Variants in ASIC2 observed in about 807,000 individuals in gnomAD.
ASIC2 encodes the protein acid-sensing ion channel 2.
A neutral mutation model predicts 57.3 loss-of-function variants in ASIC2; 25 were observed. The ratio of observed to expected loss-of-function variants is 0.44; its 90% CI spans 0.32 to 0.61. The LOEUF is 0.61. Among genes scored for constraint, ASIC2 ranks in the 20% least tolerant of loss-of-function variants. The pLI is 0.06. For synonymous variants in ASIC2, 319 were observed against 307.5 expected (o/e 1.04, Z -0.39); for missense variants, 641 against 738.1 (o/e 0.87, Z 1.52).
chr17:33,574,802 C>T (rs563829198), intron 1 of ASIC2, among the ~76,000 whole-genome samples: 8 of 151,506 alleles, frequency 5.3e-5, no homozygotes, highest in Non-Finnish European at 7.4e-5. Context: ...GAAGATAGAA[C>T]GGCACATTTA....
intron 1 of ASIC2, among the ~76,000 whole-genome samples, chr17:34,134,555 C>T (rs951836006): frequency 1.3e-5 from 2 of 152,170 alleles, no homozygotes; most frequent in Non-Finnish European, 2.9e-5. Context: ...GCTGGAAGCA[C>T]CAGCAAAGCC....
chr17:34,113,657 C>T (rs1006942479), intron 1 of ASIC2, among the ~76,000 whole-genome samples: 8 of 151,182 alleles, frequency 5.3e-5, no homozygotes, highest in African/African-American at 1.5e-4. Context: ...GCAGGAGGAT[C>T]GCTTGAGCTC....
At chr17:34,131,303 AAG>A (rs10624350) in intron 1 of ASIC2, among the ~76,000 whole-genome samples, 1 of 151,874 alleles carries the variant, frequency 6.6e-6, no homozygotes, top group Non-Finnish European at 1.5e-5. Flanking sequence ...ATGGGGATGG[AAG>A]AGAGAGAGGA....
intron 1 of ASIC2, among the ~76,000 whole-genome samples, chr17:33,764,011 C>T (rs116104530): frequency 0.013 from 1,918 of 152,150 alleles, 39 homozygotes; most frequent in African/African-American, 0.043. Context: ...TCTTTGATTT[C>T]GGCCGGGTGC....
rs182105060 is a variant in ASIC2 at position 33,862,464 on chromosome 17, A to C, written c.555+293514T>G. 6.6e-5 allele frequency among the ~76,000 whole-genome samples: 10 copies of C among 152,348 alleles called. No individual in the cohort carries two copies. In the East Asian group the frequency reaches 1.9e-3, roughly 29 times the overall value. ...TATTTATAGGGTATAGATGTGATAC[A>C]TGTATACCACATGCAATGATCAAAT... is the stretch of plus-strand genomic sequence containing the variant. On this transcript the variant is annotated intron_variant, in intron 1 of 9. Coordinates refer to the ASIC2 transcript ENST00000359872.
chr17:33,795,674 G>A (rs1460968436), intron 1 of ASIC2, among the ~76,000 whole-genome samples: 1 of 152,208 alleles, frequency 6.6e-6, no homozygotes, highest in Non-Finnish European at 1.5e-5. Flanking sequence ...ACCTTCTGTG[G>A]TTTCAGGGGA....
intron 1 of ASIC2, among the ~76,000 whole-genome samples, chr17:33,417,839 T>A (rs1222443136): frequency 6.6e-6 from 1 of 152,184 alleles, no homozygotes; most frequent in Admixed American, 6.5e-5. Flanking sequence ...ATCTGTGTGA[T>A]GTCCCCTTTG....
intron 1 of ASIC2, among the ~76,000 whole-genome samples, chr17:33,124,213 A>G (rs1177240227): frequency 1.3e-5 from 2 of 152,238 alleles, no homozygotes; most frequent in Admixed American, 6.5e-5. Context: ...TTTTCCCCAC[A>G]GCTGGTCTTG....
chr17:33,591,745 T>A (rs1904833898), intron 1 of ASIC2, among the ~76,000 whole-genome samples: 1 of 152,168 alleles, frequency 6.6e-6, no homozygotes, highest in East Asian at 1.9e-4. Flanking sequence ...CACTCTGTGA[T>A]GCTATTTGTA....
intron 1 of ASIC2, among the ~76,000 whole-genome samples, chr17:34,155,172 A>C (rs1282035968): frequency 6.6e-6 from 1 of 152,024 alleles, no homozygotes; most frequent in African/African-American, 2.4e-5. Context: ...TACAGAGAGA[A>C]AACCGAGCCT....
chr17:33,750,060 C>T (rs1910381362), intron 1 of ASIC2, among the ~76,000 whole-genome samples: 1 of 152,170 alleles, frequency 6.6e-6, no homozygotes, highest in African/African-American at 2.4e-5. Context: ...TCACTTCCTT[C>T]CTCTACTCCT....
At chr17:33,267,239 C>A (rs1042685035) in intron 1 of ASIC2, among the ~76,000 whole-genome samples, 3 of 152,118 alleles carry the variant, frequency 2.0e-5, no homozygotes, top group African/African-American at 2.4e-5. Context: ...CCTTACCCCC[C>A]CCAGGAAGCA....
chr17:33,335,357 T>C (rs1463897006), intron 1 of ASIC2, among the ~76,000 whole-genome samples: 2 of 152,192 alleles, frequency 1.3e-5, no homozygotes, highest in African/African-American at 4.8e-5. Context: ...TGTCAGGTAA[T>C]TTACATATAT....
At chr17:33,205,290 G>T (rs1907019809) in intron 1 of ASIC2, among the ~76,000 whole-genome samples, 1 of 152,200 alleles carries the variant, frequency 6.6e-6, no homozygotes, top group South Asian at 2.1e-4. Context: ...CAGCCAATAA[G>T]CCCCTGCCTT....
chr17:33,574,579 C>T (rs1172481370), intron 1 of ASIC2, among the ~76,000 whole-genome samples: 8 of 152,098 alleles, frequency 5.3e-5, no homozygotes, highest in African/African-American at 1.7e-4. Context: ...ACAGTTGTGA[C>T]AAAAAATAAA....
At chr17:33,486,855 G>A (rs1913590800) in intron 1 of ASIC2, among the ~76,000 whole-genome samples, 1 of 152,164 alleles carries the variant, frequency 6.6e-6, no homozygotes, top group African/African-American at 2.4e-5. Flanking sequence ...AAGACAGGAG[G>A]GAGAACCACC....
chr17:33,578,901 G>A (rs959622187), intron 1 of ASIC2, among the ~76,000 whole-genome samples: 5 of 152,210 alleles, frequency 3.3e-5, no homozygotes, highest in South Asian at 2.1e-4. Flanking sequence ...TGCCACAGCA[G>A]GCAAGAAAAG....
intron 1 of ASIC2, among the ~76,000 whole-genome samples, chr17:34,102,867 A>G (rs1214245503): frequency 6.6e-6 from 1 of 152,204 alleles, no homozygotes; most frequent in Non-Finnish European, 1.5e-5. Flanking sequence ...AGAAATTACC[A>G]AAGTGGTTGT....
At chr17:33,832,909 C>G (rs753363275) in intron 1 of ASIC2, among the ~76,000 whole-genome samples, 3 of 152,152 alleles carry the variant, frequency 2.0e-5, no homozygotes, top group Admixed American at 6.5e-5. Flanking sequence ...CCAACACGGG[C>G]ACCTACTGTT....
Sources: gnomAD v4.1 joint callset for allele counts (sites outside exome capture counted in the v4.1 genomes callset) on GRCh38, gnomAD v4.1.1 for gene constraint, MANE v1.5 for transcripts, NCBI Gene and HGNC (gene_info 2026-07-23, HGNC 2026-07-21) for gene names.